The following AGBL4 variants were observed in gnomAD, a reference collection of about 807,000 sequenced individuals.
AGBL4 encodes the protein cytosolic carboxypeptidase 6.
A neutral mutation model predicts 66.4 loss-of-function variants in AGBL4; 58 were observed. The ratio of observed to expected loss-of-function variants is 0.87; its 90% confidence interval spans 0.71 to 1.09. The LOEUF (loss-of-function observed/expected upper bound fraction) is 1.09, where lower values mean the gene tolerates loss of function less well. AGBL4 is among the 50% of genes least tolerant of loss of function. The pLI is 0.00. For missense variants in AGBL4, 579 were observed against 631.0 expected (o/e 0.92, Z 0.88); for synonymous variants, 234 against 222.9 (o/e 1.05, Z -0.44).
intron 4 of AGBL4, among the ~76,000 whole-genome samples, chr1:49,243,052 T>C (rs1651360791): frequency 6.6e-6 from 1 of 151,250 alleles, no homozygotes; most frequent in Non-Finnish European, 1.5e-5. Context: ...CATACATATA[T>C]ATATATACAC....
intron 3 of AGBL4, among the ~76,000 whole-genome samples, chr1:49,608,416 A>T (rs1645097764): frequency 6.6e-6 from 1 of 152,164 alleles, no homozygotes; most frequent in South Asian, 2.1e-4. Flanking sequence ...CTCTGTAATG[A>T]GGGCCCAAAG....
intron 6 of AGBL4, among the ~76,000 whole-genome samples, chr1:48,683,744 C>T (rs1646490016): frequency 6.6e-6 from 1 of 152,192 alleles, no homozygotes; most frequent in South Asian, 2.1e-4. Flanking sequence ...ACTTGAACCA[C>T]TGATCAGAAG....
intron 2 of AGBL4, among the ~76,000 whole-genome samples, chr1:49,802,292 A>T (rs974098484): frequency 1.3e-5 from 2 of 152,158 alleles, no homozygotes; most frequent in African/African-American, 4.8e-5. Flanking sequence ...TGGATAAGAT[A>T]GGGCTACAAA....
chr1:49,872,100 G>A (rs997835232), intron 1 of AGBL4, among the ~76,000 whole-genome samples: 1 of 151,944 alleles, frequency 6.6e-6, no homozygotes, highest in African/African-American at 2.4e-5. Context: ...ATAATATTTT[G>A]TGATTTTTTT....
At chr1:49,010,413 A>T (rs1391285200) in intron 5 of AGBL4, among the ~76,000 whole-genome samples, 1 of 133,202 alleles carries the variant, frequency 7.5e-6, no homozygotes, top group African/African-American at 2.9e-5. Flanking sequence ...TTCCATGCTC[A>T]TGGGTAGGAA....
intron 3 of AGBL4, among the ~76,000 whole-genome samples, chr1:49,464,170 T>C (rs1646575696): frequency 6.6e-6 from 1 of 151,700 alleles, no homozygotes; most frequent in South Asian, 2.1e-4. Context: ...TAAGATAGCA[T>C]AGAAAGTAGA....
At chr1:49,363,584 C>T (rs1421803996) in intron 3 of AGBL4, among the ~76,000 whole-genome samples, 1 of 152,094 alleles carries the variant, frequency 6.6e-6, no homozygotes, top group Non-Finnish European at 1.5e-5. Context: ...TAGAAGATTG[C>T]CACTAGGGGG....
chr1:49,086,690 C>T (rs1293022335), intron 4 of AGBL4, among the ~76,000 whole-genome samples: 2 of 152,002 alleles, frequency 1.3e-5, no homozygotes, highest in Middle Eastern at 3.4e-3. Context: ...CTCACCCTTG[C>T]CTCTTGTAGC....
intron 2 of AGBL4, among the ~76,000 whole-genome samples, chr1:49,739,424 TC>T (rs1318633571): frequency 2.0e-5 from 3 of 152,070 alleles, no homozygotes; most frequent in Non-Finnish European, 1.5e-5. Context: ...CAAATCTACG[TC>T]TGATTGGTGT....
intron 6 of AGBL4, among the ~76,000 whole-genome samples, chr1:48,683,838 C>G (rs764301453): frequency 5.9e-5 from 9 of 152,236 alleles, no homozygotes; most frequent in Non-Finnish European, 1.3e-4. Context: ...CAAAACCACA[C>G]TGAATGTAAT....
intron 6 of AGBL4, among the ~76,000 whole-genome samples, chr1:48,696,341 C>A (rs1012570534): frequency 2.0e-5 from 3 of 152,172 alleles, no homozygotes; most frequent in African/African-American, 7.2e-5. Flanking sequence ...TCCACATCAT[C>A]GAGCTGGTGA....
intron 3 of AGBL4, among the ~76,000 whole-genome samples, chr1:49,650,795 G>A (rs1456891560): frequency 1.3e-5 from 2 of 152,204 alleles, no homozygotes; most frequent in Admixed American, 6.5e-5. Flanking sequence ...TATCTGTGAA[G>A]CGGGTGGTAC....
At chr1:49,627,111 A>G (rs1432995486) in intron 3 of AGBL4, among the ~76,000 whole-genome samples, 1 of 152,102 alleles carries the variant, frequency 6.6e-6, no homozygotes, top group Non-Finnish European at 1.5e-5. Context: ...TCAAAAAGCT[A>G]TTCTTTGATG....
At chr1:48,660,604 T>C (rs1646092138) in intron 7 of AGBL4, among the ~76,000 whole-genome samples, 1 of 152,220 alleles carries the variant, frequency 6.6e-6, no homozygotes. Context: ...GCCTCAGTTC[T>C]GTATTGGTAA....
chr1:49,153,167 C>T (rs1045195756), intron 4 of AGBL4, among the ~76,000 whole-genome samples: 4 of 152,082 alleles, frequency 2.6e-5, no homozygotes, highest in Non-Finnish European at 4.4e-5. Context: ...CTCACAGATG[C>T]CTCATGATGC....
intron 11 of AGBL4, among the ~76,000 whole-genome samples, chr1:48,569,713 C>A (rs1032544208): frequency 6.6e-6 from 1 of 152,200 alleles, no homozygotes; most frequent in Admixed American, 6.5e-5. Context: ...AGGAGGCCGA[C>A]AGACCTGGGT....
chr1:49,430,745 C>T (rs1645768265), intron 3 of AGBL4, among the ~76,000 whole-genome samples: 1 of 152,164 alleles, frequency 6.6e-6, no homozygotes, highest in Non-Finnish European at 1.5e-5. Flanking sequence ...AGATCCAAAG[C>T]CAGAATATAA....
intron 6 of AGBL4, among the ~76,000 whole-genome samples, chr1:48,825,091 A>C (rs1189905281): frequency 2.0e-5 from 3 of 152,220 alleles, no homozygotes; most frequent in African/African-American, 7.2e-5. Flanking sequence ...TCTAAAATGA[A>C]TACTGAGATG....
intron 3 of AGBL4, among the ~76,000 whole-genome samples, chr1:49,625,348 G>C (rs888709030): frequency 6.6e-6 from 1 of 151,996 alleles, no homozygotes; most frequent in Non-Finnish European, 1.5e-5. Flanking sequence ...TTCCTTCTCT[G>C]TCACCCCTTC....
Sources: allele counts gnomAD v4.1 joint callset (sites outside exome capture counted in the v4.1 genomes callset), GRCh38; gene constraint gnomAD v4.1.1; transcripts MANE v1.5; gene names NCBI Gene and HGNC (gene_info 2026-07-23, HGNC 2026-07-21).